SLC13A5: variants seen among roughly 807,000 people sequenced by gnomAD.
The protein encoded by SLC13A5 is solute carrier family 13 member 5.
SLC13A5 carries 25 observed loss-of-function variants against 56.5 expected under a neutral mutation model. The ratio of observed to expected loss-of-function variants is 0.44; its 90% CI spans 0.32 to 0.62. The LOEUF is 0.62. Ranked by LOEUF, SLC13A5 falls within the 20% of genes least tolerant of loss-of-function variation. The pLI, the probability that SLC13A5 is intolerant of heterozygous loss-of-function variation, is 0.04. For synonymous variants in SLC13A5, 307 were observed against 301.5 expected (o/e 1.02, Z -0.19); for missense variants, 649 against 737.8 (o/e 0.88, Z 1.39).
intron 3 of SLC13A5, chr17:6,704,630 G>A (rs1051048130): frequency 8.0e-6 from 2 of 250,640 alleles, no homozygotes; most frequent in South Asian, 5.1e-5. Flanking sequence ...TCTCCCCTCC[G>A]CCCCGCACAT....
At chr17:6,693,009 G>C (rs1973451573) in intron 9 of SLC13A5, 35 bp downstream of exon 9, 1 of 1,545,040 alleles carries the variant, frequency 6.5e-7, no homozygotes, top group East Asian at 2.2e-5. Context: ...TGACGAAGAA[G>C]AGGGCTCTGG....
At position 6,696,668 on chromosome 17, in the gene SLC13A5, G is replaced by T. The variant is rs540291673; in HGVS notation, c.840-727C>A. On this transcript the variant is annotated intron_variant, in intron 6 of 11. Coordinates refer to ENST00000433363, the MANE Select transcript of SLC13A5 (RefSeq NM_177550.5). ...TGTAAAGGGGAGCTCAGCTGTGGAG[G>T]GGGGATAACTGGGGCCACTGTGCAT... 1.7e-3 allele frequency among the ~76,000 whole-genome samples: 253 copies of T among 152,204 alleles called. 1 individual carries two copies. The highest frequency in any genetic ancestry group is 5.7e-3 in the African/African-American group (237 of 41,520).
At position 6,687,771 on chromosome 17, in the gene SLC13A5, T is replaced by C. The variant is rs913915450; in HGVS notation, c.1438-105A>G. ...AATGTGCCGGGTACGTTTGAACCTC[T>C]GTGCCTCAGTCTTGGTTCCTCTCCC... On this transcript the variant is annotated intron_variant, in intron 10 of 11. Transcript: ENST00000433363. This position sits in a 1 kb window ranked among gnomAD's most constrained non-coding sequence, Gnocchi z 5.0. 44 of 1,371,044 alleles carry C rather than the reference T, an allele frequency of 3.2e-5. No homozygotes were observed. In the African/African-American group the frequency reaches 5.1e-4, roughly 16 times the overall value. The allele number at this position is 1,371,044 out of a possible 1,614,324, so 84.9% of individuals were successfully genotyped here. A position where few individuals can be genotyped will look rare whatever the true frequency, so the allele number is the denominator to read the frequency against.
chr17:6,712,560 A>G (rs542938031), intron 1 of SLC13A5, among the ~76,000 whole-genome samples: 53 of 152,356 alleles, frequency 3.5e-4, no homozygotes, highest in African/African-American at 1.2e-3. Context: ...CTCCTGCTAC[A>G]GCCCCAGCAG....
Position 6,713,237 on chromosome 17 carries a change from C to A in SLC13A5, c.97G>T (p.Ala33Ser), listed in dbSNP as rs750766655. 1.9e-6 allele frequency: 3 copies of A among 1,613,712 alleles called. No homozygotes were observed. Among genetic ancestry groups the A allele is most frequent in the Non-Finnish European group, 2.5e-6 (3 of 1,179,814 alleles). Residue 33 changes from alanine to serine, a missense_variant, in exon 1 of 12, where the codon GCC becomes TCC. By Grantham distance (99) the Ala-to-Ser change is moderately conservative. Coordinates refer to ENST00000433363, the MANE Select transcript of SLC13A5 (RefSeq NM_177550.5). This position sits in a 1 kb window ranked among gnomAD's most constrained non-coding sequence, Gnocchi z 7.3. ...TGCCTGGAGATGCAACTGACCTTGGCGGGCATCAGAATGACGAGTGGCAGC... is the reference window on the plus strand; with the variant it reads ...TGCCTGGAGATGCAACTGACCTTGGAGGGCATCAGAATGACGAGTGGCAGC... ...LLLPLVILMP[A>S]KFVRCAYVII...
chr17:6,708,189 C>T (rs1289000974), intron 1 of SLC13A5, among the ~76,000 whole-genome samples: 3 of 152,188 alleles, frequency 2.0e-5, no homozygotes, highest in Admixed American at 6.5e-5. Context: ...AGGCTGATCT[C>T]GAACTCCTGA....
chr17:6,700,199 A>ACT (rs1468042722), intron 6 of SLC13A5, among the ~76,000 whole-genome samples: 1 of 152,068 alleles, frequency 6.6e-6, no homozygotes, highest in Non-Finnish European at 1.5e-5. Context: ...AAAAACAATA[A>ACT]CTTTTTTTTA....
chr17:6,696,899 G>A (rs1022022235), intron 6 of SLC13A5, among the ~76,000 whole-genome samples: 1 of 152,184 alleles, frequency 6.6e-6, no homozygotes, highest in Non-Finnish European at 1.5e-5. Context: ...TGCTGGATGT[G>A]AACAGCCTTG....
rs1250462718 is a variant in SLC13A5 at position 6,695,950 on chromosome 17, T to C, written c.840-9A>G. On this transcript the variant is annotated splice_polypyrimidine_tract_variant and intron_variant, in intron 6 of 11. Transcript: ENST00000433363. Reference sequence around the variant, plus strand: ...CCCAGGACTTTTTAAAACTGGAGAATGCAAAGATGAGAGAAGGGCAGGGCA... The same window carrying C: ...CCCAGGACTTTTTAAAACTGGAGAACGCAAAGATGAGAGAAGGGCAGGGCA... 7.4e-6 allele frequency: 12 copies of C among 1,613,258 alleles called. No homozygotes were observed. The highest frequency in any genetic ancestry group is 1.0e-5 in the Non-Finnish European group (12 of 1,179,698).
intron 3 of SLC13A5, chr17:6,704,893 C>G (rs368416689): frequency 6.5e-6 from 1 of 153,342 alleles, no homozygotes; most frequent in Non-Finnish European, 1.5e-5. Context: ...TTCAAAGCAC[C>G]TGTTTCCATG....
At chr17:6,704,824 G>C in intron 3 of SLC13A5, 1 of 156,324 alleles carries the variant, frequency 6.4e-6, no homozygotes, top group Non-Finnish European at 1.4e-5. Context: ...TGTGCACCAG[G>C]TGGGGCTGGC....
chr17:6,700,797 C>A (rs1327420928), intron 6 of SLC13A5, among the ~76,000 whole-genome samples: 1 of 152,086 alleles, frequency 6.6e-6, no homozygotes, highest in Admixed American at 6.6e-5. Context: ...GAATGGCATT[C>A]CAGGGAAAGG....
chr17:6,706,937 C>T, intron 2 of SLC13A5, 91 bp downstream of exon 2: 1 of 1,569,180 alleles, frequency 6.4e-7, no homozygotes, highest in Non-Finnish European at 8.7e-7. Context: ...GTTTTCCGGT[C>T]ACCCCCAGGC....
chr17:6,699,088 TAAAATA>T (rs1448060156), intron 6 of SLC13A5, among the ~76,000 whole-genome samples: 59 of 87,130 alleles, frequency 6.8e-4, no homozygotes, highest in African/African-American at 1.7e-3. Flanking sequence ...AATAAATAAA[TAAAATA>T]AAATAAAATA....
intron 6 of SLC13A5, 99 bp downstream of exon 6, chr17:6,700,905 C>A (rs897957878): frequency 6.5e-7 from 1 of 1,543,974 alleles, no homozygotes; most frequent in South Asian, 1.2e-5. Context: ...CAGGGCCAGA[C>A]ACGAAGGACT....
intron 5 of SLC13A5, among the ~76,000 whole-genome samples, chr17:6,702,432 C>G (rs192682949): frequency 6.6e-6 from 1 of 152,308 alleles, no homozygotes; most frequent in Non-Finnish European, 1.5e-5. Context: ...CACAAGGGGA[C>G]TATAACGAAG....
rs372070981 is a variant in SLC13A5 at position 6,709,410 on chromosome 17, C to A, written c.103-2254G>T. Among the ~76,000 whole-genome samples the A allele has an allele frequency of 7.2e-5, 11 of 152,108 alleles. No homozygotes were observed. In the East Asian group the frequency reaches 1.2e-3, roughly 16 times the overall value. Reference sequence around the variant, plus strand: ...TCAGTCTCCTGAGTAGCTGGGACTACAGACAAGCGCCACCACGCCCGGCTA... The same window carrying A: ...TCAGTCTCCTGAGTAGCTGGGACTAAAGACAAGCGCCACCACGCCCGGCTA... On this transcript the variant is annotated intron_variant, in intron 1 of 11. Coordinates refer to ENST00000433363, the MANE Select transcript of SLC13A5 (RefSeq NM_177550.5).
In SLC13A5 at chr17:6,692,757, A is replaced by C; in HGVS notation, c.1275+287T>G. 2.3e-6 allele frequency: 1 copy of C among 436,110 alleles called. No homozygotes were observed. The highest frequency in any genetic ancestry group is 4.1e-6 in the Non-Finnish European group (1 of 241,570). 27.0% of individuals were successfully genotyped at this position (436,110 alleles called of 1,614,324 possible). ...ACAAATCAAAGCAGAGATTATTGTGATCAAGCCCCAGAGGGTAACTGACAG... is the reference window on the plus strand; with the variant it reads ...ACAAATCAAAGCAGAGATTATTGTGCTCAAGCCCCAGAGGGTAACTGACAG... On this transcript the variant is annotated intron_variant, in intron 9 of 11. Coordinates refer to ENST00000433363, the MANE Select transcript of SLC13A5 (RefSeq NM_177550.5). This position sits in a 1 kb window ranked among gnomAD's most constrained non-coding sequence, Gnocchi z 5.5.
At chr17:6,699,042 CAA>C (rs925548103) in intron 6 of SLC13A5, among the ~76,000 whole-genome samples, 1 of 100,594 alleles carries the variant, frequency 9.9e-6, no homozygotes, top group Non-Finnish European at 2.0e-5. Context: ...GACACTGTCT[CAA>C]AAATAAATAA....
Sources: allele counts gnomAD v4.1 joint callset (sites outside exome capture counted in the v4.1 genomes callset), GRCh38; gene constraint gnomAD v4.1.1; non-coding constraint Gnocchi (gnomAD v3.1); transcripts MANE v1.5; gene names NCBI Gene and HGNC (gene_info 2026-07-23, HGNC 2026-07-21).